The following SETBP1 variants were observed in gnomAD, a reference collection of about 807,000 sequenced individuals.
SETBP1 encodes the protein SET binding protein 1.
Under a neutral mutation model 101.0 loss-of-function variants are expected in SETBP1, and 9 were observed. The observed-to-expected ratio is 0.09, with a 90% CI of 0.05 to 0.16. The LOEUF is 0.16. SETBP1 is among the 10% of genes least tolerant of loss of function. The probability of loss-of-function intolerance (pLI) is 1.00; values close to 1 mark genes in which losing one functional copy is unlikely to be tolerated. For missense variants in SETBP1, 1,858 were observed against 2,033.8 expected (o/e 0.91, Z 1.66); for synonymous variants, 818 against 788.5 (o/e 1.04, Z -0.63).
intron 2 of SETBP1, among the ~76,000 whole-genome samples, chr18:44,767,512 C>T (rs1449164060): frequency 6.6e-6 from 1 of 152,132 alleles, no homozygotes; most frequent in African/African-American, 2.4e-5. Flanking sequence ...ATTCAACTCA[C>T]CAAATTGGTA....
chr18:44,709,903 A>C (rs946359812), intron 2 of SETBP1, among the ~76,000 whole-genome samples: 2 of 144,396 alleles, frequency 1.4e-5, no homozygotes, highest in Non-Finnish European at 3.0e-5. Flanking sequence ...CTCTGTGGTC[A>C]TTTATCTGCC....
chr18:44,815,996 T>G (rs1258267393), intron 2 of SETBP1, among the ~76,000 whole-genome samples: 2 of 152,208 alleles, frequency 1.3e-5, no homozygotes, highest in African/African-American at 4.8e-5. Context: ...CTGTTTCTTT[T>G]GCTGAACAAT....
intron 3 of SETBP1, among the ~76,000 whole-genome samples, chr18:44,894,238 T>G (rs1275013347): frequency 6.6e-6 from 1 of 152,186 alleles, no homozygotes; most frequent in Non-Finnish European, 1.5e-5. Flanking sequence ...AATGGTACTC[T>G]CTTTTTCTGA....
At chr18:45,051,214 T>A (rs2073715180) in intron 5 of SETBP1, among the ~76,000 whole-genome samples, 1 of 152,178 alleles carries the variant, frequency 6.6e-6, no homozygotes, top group South Asian at 2.1e-4. Context: ...TAATTTATGG[T>A]CTCTAAAAGG....
chr18:44,880,825 G>T (rs1804673247), intron 3 of SETBP1, among the ~76,000 whole-genome samples: 1 of 152,066 alleles, frequency 6.6e-6, no homozygotes, highest in South Asian at 2.1e-4. Context: ...TGCCCCCATG[G>T]TCCAAACACC....
intron 2 of SETBP1, among the ~76,000 whole-genome samples, chr18:44,829,594 T>G: frequency 6.6e-6 from 1 of 152,216 alleles, no homozygotes; most frequent in Non-Finnish European, 1.5e-5. Flanking sequence ...AACTCATCAT[T>G]AGGCACCTAC....
intron 4 of SETBP1, among the ~76,000 whole-genome samples, chr18:44,968,548 C>T (rs533010521): frequency 2.6e-5 from 4 of 152,178 alleles, no homozygotes; most frequent in South Asian, 4.1e-4. Context: ...CTTGAGAGGG[C>T]GCTGCCAGCA....
At chr18:45,061,903 G>A (rs946385306) in intron 5 of SETBP1, among the ~76,000 whole-genome samples, 7 of 152,224 alleles carry the variant, frequency 4.6e-5, no homozygotes, top group Non-Finnish European at 1.0e-4. Context: ...TGAACATGCA[G>A]CGTAAATCAT....
chr18:44,854,315 T>A (rs1037276032), intron 2 of SETBP1, among the ~76,000 whole-genome samples: 12 of 152,184 alleles, frequency 7.9e-5, no homozygotes, highest in South Asian at 2.1e-4. Flanking sequence ...TGTAGCAGAC[T>A]CACTGCGTTT....
intron 4 of SETBP1, among the ~76,000 whole-genome samples, chr18:44,959,349 C>G (rs1308196274): frequency 6.6e-6 from 1 of 152,184 alleles, no homozygotes; most frequent in African/African-American, 2.4e-5. Flanking sequence ...ATAAAAAGAA[C>G]AAGTGATGAA....
At chr18:44,807,660 C>A (rs929651308) in intron 2 of SETBP1, among the ~76,000 whole-genome samples, 6 of 152,150 alleles carry the variant, frequency 3.9e-5, no homozygotes, top group Non-Finnish European at 8.8e-5. Flanking sequence ...ATTAATTTTT[C>A]AATTATTCCT....
intron 2 of SETBP1, among the ~76,000 whole-genome samples, chr18:44,757,697 A>G (rs186934520): frequency 5.3e-5 from 8 of 152,304 alleles, no homozygotes; most frequent in Admixed American, 1.3e-4. Context: ...AGATAATGAA[A>G]TTGGAGATTT....
chr18:44,769,176 C>T (rs1333558838), intron 2 of SETBP1, among the ~76,000 whole-genome samples: 1 of 152,190 alleles, frequency 6.6e-6, no homozygotes, highest in African/African-American at 2.4e-5. Context: ...TCAAGGGTCC[C>T]AGCAGTTGGA....
Position 45,038,416 on chromosome 18 carries a change from C to CAGGTTACATGTTGTCT in SETBP1, c.4001-67_4001-52dup, listed in dbSNP as rs1027163319. 4.4e-6 allele frequency: 6 copies of CAGGTTACATGTTGTCT among 1,369,136 alleles called. No homozygotes were observed. The Admixed American group carries it at 1.0e-4, about 23-fold the overall frequency. The allele number at this position is 1,369,136 out of a possible 1,614,324, so 84.8% of individuals were successfully genotyped here. A position where few individuals can be genotyped will look rare whatever the true frequency, so the allele number is the denominator to read the frequency against. Reference sequence around the variant, plus strand: ...TTTGACCATTTCCTCAGATCATGTCCAGGTTACATGTTGTCTATCTTCCTG... The same window carrying CAGGTTACATGTTGTCT: ...TTTGACCATTTCCTCAGATCATGTCCAGGTTACATGTTGTCTAGGTTACATGTTGTCTATCTTCCTG... On this transcript the variant is annotated intron_variant, in intron 4 of 5. Transcript: ENST00000649279.
intron 2 of SETBP1, among the ~76,000 whole-genome samples, chr18:44,715,220 C>T (rs1459047472): frequency 2.0e-5 from 3 of 152,186 alleles, no homozygotes; most frequent in Non-Finnish European, 4.4e-5. Flanking sequence ...GGGTAAACTC[C>T]AGCACTGCAG....
chr18:44,702,692 A>G (rs918542305), intron 2 of SETBP1, among the ~76,000 whole-genome samples: 1 of 152,244 alleles, frequency 6.6e-6, no homozygotes, highest in Non-Finnish European at 1.5e-5. Flanking sequence ...TTACTACTGT[A>G]AATCTTCCTA....
intron 2 of SETBP1, among the ~76,000 whole-genome samples, chr18:44,720,885 G>T: frequency 6.6e-6 from 1 of 151,398 alleles, no homozygotes; most frequent in East Asian, 1.9e-4. Context: ...CACTAAGAAA[G>T]CAATGGAGCC....
At chr18:45,033,528 C>A (rs1180636653) in intron 4 of SETBP1, among the ~76,000 whole-genome samples, 1 of 152,206 alleles carries the variant, frequency 6.6e-6, no homozygotes, top group Non-Finnish European at 1.5e-5. Context: ...CTGTCTTCTG[C>A]AGTGTAAAGG....
At chr18:44,700,708 A>C (rs1175471772) in intron 1 of SETBP1, among the ~76,000 whole-genome samples, 1 of 152,172 alleles carries the variant, frequency 6.6e-6, no homozygotes, top group Admixed American at 6.5e-5. Context: ...AGCTTGGCCC[A>C]GGCAGCCTGG....
Sources: gnomAD v4.1 joint callset for allele counts (sites outside exome capture counted in the v4.1 genomes callset) on GRCh38, gnomAD v4.1.1 for gene constraint, MANE v1.5 for transcripts, NCBI Gene and HGNC (gene_info 2026-07-23, HGNC 2026-07-21) for gene names.